Variants in CNOT10 observed in about 807,000 individuals in gnomAD.
CNOT10 encodes CCR4-NOT transcription complex subunit 10, also known as CCR4-NOT transcription complex, subunit 10.
In CNOT10, 30 loss-of-function variants were observed where a neutral mutation model predicts 94.6. The observed-to-expected ratio is 0.32, with a 90% CI of 0.24 to 0.43. The LOEUF is 0.43. CNOT10 is among the 20% of genes least tolerant of loss of function. The probability of loss-of-function intolerance (pLI) is 1.00; values close to 1 mark genes in which losing one functional copy is unlikely to be tolerated. For missense variants in CNOT10, 759 were observed against 877.2 expected (o/e 0.87, Z 1.70); for synonymous variants, 289 against 301.6 (o/e 0.96, Z 0.43).
intron 13 of CNOT10, 79 bp downstream of exon 13, chr3:32,737,569 A>G: frequency 4.4e-6 from 4 of 899,340 alleles, no homozygotes; most frequent in Admixed American, 2.2e-5. Context: ...TCATACCTCT[A>G]ATCCCAGCAC....
intron 1 of CNOT10, among the ~76,000 whole-genome samples, chr3:32,687,191 C>T (rs1218640929): frequency 6.6e-6 from 1 of 151,872 alleles, no homozygotes; most frequent in Admixed American, 6.6e-5. Flanking sequence ...TGTTTCTGGC[C>T]TTTATCTTTT....
intron 13 of CNOT10, among the ~76,000 whole-genome samples, chr3:32,750,669 A>C (rs979705566): frequency 6.6e-6 from 1 of 151,488 alleles, no homozygotes; most frequent in East Asian, 2.0e-4. Flanking sequence ...CTCCTGTCTC[A>C]GCCTCCTGAG....
At chr3:32,741,911 AT>A (rs1443880810) in intron 13 of CNOT10, among the ~76,000 whole-genome samples, 4 of 151,544 alleles carry the variant, frequency 2.6e-5, no homozygotes, top group South Asian at 2.1e-4. Context: ...AAAAAAATTT[AT>A]TTTTTCATCA....
chr3:32,765,027 TA>T (rs770514627), intron 17 of CNOT10: 30 of 1,460,358 alleles, frequency 2.1e-5, no homozygotes, highest in South Asian at 1.1e-4. Context: ...GATTTTATTT[TA>T]AAAAAAATTT....
At chr3:32,764,116 A>C in intron 15 of CNOT10, 1 of 217,884 alleles carries the variant, frequency 4.6e-6, no homozygotes, top group Admixed American at 5.8e-5. Context: ...AACAAGAGCA[A>C]AACTCCATCT....
intron 13 of CNOT10, among the ~76,000 whole-genome samples, chr3:32,746,397 G>A (rs911737242): frequency 6.6e-6 from 1 of 152,160 alleles, no homozygotes; most frequent in Non-Finnish European, 1.5e-5. Context: ...TCACCATAAT[G>A]TAGAATCAGT....
intron 1 of CNOT10, among the ~76,000 whole-genome samples, chr3:32,690,647 C>T (rs913043948): frequency 1.3e-5 from 2 of 151,238 alleles, no homozygotes; most frequent in East Asian, 2.0e-4. Flanking sequence ...CCCGGGTTCA[C>T]ACCATTCTCC....
chr3:32,705,007 T>C (rs1458578145), intron 3 of CNOT10, 35 bp downstream of exon 3: 2 of 1,339,606 alleles, frequency 1.5e-6, no homozygotes, highest in East Asian at 5.4e-5. Flanking sequence ...TAAAAAATAT[T>C]GTTCTGTTCT....
chr3:32,699,424 A>G (rs1697230468), intron 1 of CNOT10, among the ~76,000 whole-genome samples: 2 of 152,122 alleles, frequency 1.3e-5, no homozygotes, highest in South Asian at 4.1e-4. Flanking sequence ...ATTTAGTATT[A>G]TCGTTTTAAT....
At chr3:32,707,037 C>A (rs747991587) in intron 3 of CNOT10, among the ~76,000 whole-genome samples, 4 of 152,148 alleles carry the variant, frequency 2.6e-5, no homozygotes, top group Non-Finnish European at 5.9e-5. Flanking sequence ...GCTGTTAAAT[C>A]CATGTACTGT....
At chr3:32,728,342 C>T (rs555545888) in intron 10 of CNOT10, among the ~76,000 whole-genome samples, 7 of 152,102 alleles carry the variant, frequency 4.6e-5, no homozygotes, top group East Asian at 3.9e-4. Context: ...ATTTGTTGGC[C>T]GTGCGCAATG....
intron 13 of CNOT10, among the ~76,000 whole-genome samples, chr3:32,746,391 C>T (rs1699700978): frequency 6.6e-6 from 1 of 152,052 alleles, no homozygotes. Context: ...TACAACTCAC[C>T]ATAATGTAGA....
chr3:32,747,949 C>T (rs771021624), intron 13 of CNOT10, among the ~76,000 whole-genome samples: 6 of 151,486 alleles, frequency 4.0e-5, no homozygotes, highest in African/African-American at 1.5e-4. Context: ...TCCGTCCCAA[C>T]GCTCCCCCCA....
At chr3:32,763,471 T>C (rs1044419981) in intron 15 of CNOT10, among the ~76,000 whole-genome samples, 14 of 151,746 alleles carry the variant, frequency 9.2e-5, no homozygotes, top group Admixed American at 5.3e-4. Context: ...GCCAACATAG[T>C]GAAACCCCGT....
At chr3:32,734,459 T>C (rs1251580351) in intron 11 of CNOT10, among the ~76,000 whole-genome samples, 1 of 152,222 alleles carries the variant, frequency 6.6e-6, no homozygotes, top group East Asian at 1.9e-4. Context: ...ATTCTTAGTA[T>C]ACCTCTCCTT....
At chr3:32,695,545 A>G in intron 1 of CNOT10, 1 of 1,520,086 alleles carries the variant, frequency 6.6e-7, no homozygotes, top group Non-Finnish European at 8.8e-7. Flanking sequence ...GCTTTCAGTT[A>G]ACTGATGATT....
At chr3:32,736,053 CTTTT>C (rs961414676) in intron 12 of CNOT10, among the ~76,000 whole-genome samples, 1 of 151,754 alleles carries the variant, frequency 6.6e-6, no homozygotes, top group Non-Finnish European at 1.5e-5. Context: ...TTCTTTCTTT[CTTTT>C]CTTTTGTTTT....
At chr3:32,734,181 C>T (rs1387590265) in intron 11 of CNOT10, among the ~76,000 whole-genome samples, 1 of 152,052 alleles carries the variant, frequency 6.6e-6, no homozygotes, top group East Asian at 1.9e-4. Flanking sequence ...AACTATAATG[C>T]AAGAATATTT....
chr3:32,767,305 G>A (rs940537135), intron 17 of CNOT10, among the ~76,000 whole-genome samples: 1 of 152,074 alleles, frequency 6.6e-6, no homozygotes, highest in Non-Finnish European at 1.5e-5. Flanking sequence ...GATCACCTGA[G>A]GTCAGGAGTT....
Sources: allele counts gnomAD v4.1 joint callset (sites outside exome capture counted in the v4.1 genomes callset), GRCh38; gene constraint gnomAD v4.1.1; transcripts MANE v1.5; gene names NCBI Gene and HGNC (gene_info 2026-07-23, HGNC 2026-07-21).